Variants in ARID1B observed in about 807,000 individuals in gnomAD.
ARID1B encodes AT-rich interaction domain 1B.
A neutral mutation model predicts 212.3 loss-of-function variants in ARID1B; 30 were observed. That is an observed-to-expected ratio of 0.14 (90% CI 0.11 to 0.19). The LOEUF is 0.19. Among genes scored for constraint, ARID1B ranks in the 10% least tolerant of loss-of-function variants. The pLI is 1.00. For synonymous variants in ARID1B, 1,402 were observed against 1,301.7 expected (o/e 1.08, Z -1.66); for missense variants, 2,891 against 3,204.0 (o/e 0.90, Z 2.36).
intron 2 of ARID1B, among the ~76,000 whole-genome samples, chr6:156,882,832 AG>A (rs2128171805): frequency 6.6e-6 from 1 of 152,316 alleles, no homozygotes; most frequent in South Asian, 2.1e-4. Context: ...TTTTATAATG[AG>A]GTCTGTTCGG....
rs576322233 is a variant in ARID1B, at chr6:156,777,695, AGCAGCGGCG to A, written c.18_26del (p.Ala12_Ala14del). ...CCGCGGCGATCATGGCCGCGCGGGC[AGCAGCGGCG>A]GCGGCGGCGGCGGCGGCGCGGGCGC... On this transcript the variant is annotated inframe_deletion, in exon 1 of 20. Transcript: ENST00000636930. 1.4e-5 allele frequency: 2 copies of A among 144,424 alleles called. No homozygotes were observed. Among genetic ancestry groups the A allele is most frequent in the Non-Finnish European group, 3.0e-5 (2 of 66,348 alleles). The allele number at this position is 144,424 out of a possible 1,614,324, so 8.9% of individuals were successfully genotyped here.
rs138024075 is a variant in ARID1B, at chr6:156,942,990, A to G, written c.2247+7414A>G. 9.8e-5 allele frequency: 15 copies of G among 152,324 alleles called. 1 individual carries two copies. The highest frequency in any genetic ancestry group is 3.6e-4 in the African/African-American group (15 of 41,588). 9.4% of individuals were successfully genotyped at this position (152,324 alleles called of 1,614,324 possible). On this transcript the variant is annotated intron_variant, in intron 4 of 19. Coordinates refer to ENST00000636930, the MANE Select transcript of ARID1B (RefSeq NM_001374828.1). ...ATTTGTAGACTGGTTATTTGCTTTT[A>G]TGTTTCTTTGGGACTGGAAGTAACA...
At chr6:156,829,186 A>C in intron 1 of ARID1B, 41 bp from the exon 2 acceptor site, 1 of 1,535,046 alleles carries the variant, frequency 6.5e-7, no homozygotes, top group South Asian at 1.2e-5. Context: ...CTTTGTAATA[A>C]AGAATGAATT....
intron 2 of ARID1B, among the ~76,000 whole-genome samples, chr6:156,889,096 TA>T (rs904665032): frequency 1.3e-5 from 2 of 152,220 alleles, no homozygotes; most frequent in African/African-American, 4.8e-5. Context: ...GACCACATTT[TA>T]AAATGCCAGC....
At chr6:157,043,350 A>G (rs951753937) in intron 4 of ARID1B, among the ~76,000 whole-genome samples, 1 of 151,940 alleles carries the variant, frequency 6.6e-6, no homozygotes, top group Admixed American at 6.6e-5. Flanking sequence ...TTGTCTCGGC[A>G]TGGGCGCCTT....
At chr6:157,157,501 A>T (rs1042692722) in intron 8 of ARID1B, among the ~76,000 whole-genome samples, 8 of 152,130 alleles carry the variant, frequency 5.3e-5, no homozygotes, top group African/African-American at 1.9e-4. Flanking sequence ...AAATCTGATA[A>T]CCTCAACAGT....
At chr6:156,859,243 A>C (rs1342998889) in intron 2 of ARID1B, among the ~76,000 whole-genome samples, 6 of 152,092 alleles carry the variant, frequency 3.9e-5, no homozygotes, top group Non-Finnish European at 8.8e-5. Flanking sequence ...CCTCCCAAGT[A>C]GCTGGGGCTA....
At chr6:157,010,777 G>A (rs1258036906) in intron 4 of ARID1B, among the ~76,000 whole-genome samples, 1 of 152,086 alleles carries the variant, frequency 6.6e-6, no homozygotes, top group Admixed American at 6.5e-5. Flanking sequence ...TCTTTCTCTA[G>A]TGCTTAATCC....
intron 4 of ARID1B, among the ~76,000 whole-genome samples, chr6:156,949,144 G>A (rs1271634422): frequency 6.6e-6 from 1 of 152,164 alleles, no homozygotes; most frequent in East Asian, 1.9e-4. Context: ...TAATGTTTAT[G>A]CTGGCTTTCT....
At position 157,203,995 on chromosome 6, in the gene ARID1B, A is replaced by G. The variant is rs1302082390; in HGVS notation, c.5393A>G (p.Gln1798Arg). 1.9e-6 allele frequency: 3 copies of G among 1,614,018 alleles called. No individual in the cohort carries two copies. Among genetic ancestry groups the G allele is most frequent in the Non-Finnish European group, 2.5e-6 (3 of 1,179,888 alleles). The change falls in exon 19 of 20, where the codon CAG becomes CGG. Residue 1798 changes from glutamine to arginine, a missense_variant and splice_region_variant. This residue lies in a region of ARID1B where 332 missense variants were observed against 369.2 expected (regional missense o/e 0.90). Transcript: ENST00000636930. This position sits in a 1 kb window ranked among gnomAD's most constrained non-coding sequence, Gnocchi z 4.4. Reference sequence around the variant, plus strand: ...ACTGTTGCTACTTTCAATCTCTCCCAGGTAAGCCAGCATAGTCCAACTAAC... The same window carrying G: ...ACTGTTGCTACTTTCAATCTCTCCCGGGTAAGCCAGCATAGTCCAACTAAC... ...DSTVATFNLS[Q>R]LSGFLELLVE...
chr6:157,177,164 T>C (rs1461389723), intron 11 of ARID1B, among the ~76,000 whole-genome samples: 1 of 152,212 alleles, frequency 6.6e-6, no homozygotes, highest in Non-Finnish European at 1.5e-5. Flanking sequence ...CCATAAATAG[T>C]TTTAAGAATT....
At chr6:157,008,467 T>C (rs897881604) in intron 4 of ARID1B, among the ~76,000 whole-genome samples, 3 of 152,246 alleles carry the variant, frequency 2.0e-5, no homozygotes, top group Admixed American at 1.3e-4. Flanking sequence ...GTTACTGTTA[T>C]CTTCTGTCTT....
At chr6:156,875,630 C>T (rs757226531) in intron 2 of ARID1B, among the ~76,000 whole-genome samples, 11 of 152,220 alleles carry the variant, frequency 7.2e-5, no homozygotes, top group Non-Finnish European at 1.3e-4. Flanking sequence ...AGATGCGAGT[C>T]TCTGTTCAGA....
In ARID1B at chr6:156,872,786, C is replaced by T. The variant is rs376900642; in HGVS notation, c.1987-28590C>T. On this transcript the variant is annotated intron_variant, in intron 2 of 19. Coordinates refer to ENST00000636930, the MANE Select transcript of ARID1B (RefSeq NM_001374828.1). ...AGCACCCTTTTCCAACTGCTGCCCCCACGCTGTGGAGTGGATGTTGTTCGT... is the reference window on the plus strand; with the variant it reads ...AGCACCCTTTTCCAACTGCTGCCCCTACGCTGTGGAGTGGATGTTGTTCGT... Among the ~76,000 whole-genome samples, 52 of 151,188 alleles carry T rather than the reference C, an allele frequency of 3.4e-4. No individual in the cohort carries two copies. In the South Asian group the frequency reaches 0.01, roughly 29 times the overall value.
At chr6:156,977,772 T>A (rs1182529954) in intron 4 of ARID1B, among the ~76,000 whole-genome samples, 1 of 152,208 alleles carries the variant, frequency 6.6e-6, no homozygotes, top group African/African-American at 2.4e-5. Context: ...TGTTGATGAC[T>A]GGGTATCTTT....
chr6:157,047,140 G>T (rs1242479177), intron 4 of ARID1B, among the ~76,000 whole-genome samples: 5 of 152,134 alleles, frequency 3.3e-5, no homozygotes, highest in African/African-American at 1.2e-4. Flanking sequence ...AATGTACTAG[G>T]ACTCTAATAT....
At chr6:156,909,471 A>T (rs1251410251) in intron 3 of ARID1B, among the ~76,000 whole-genome samples, 1 of 152,112 alleles carries the variant, frequency 6.6e-6, no homozygotes, top group South Asian at 2.1e-4. Flanking sequence ...ATCTTATTAA[A>T]TTAAATATAA....
chr6:156,945,149 A>C (rs1248170980), intron 4 of ARID1B, among the ~76,000 whole-genome samples: 2 of 122,656 alleles, frequency 1.6e-5, no homozygotes, highest in Non-Finnish European at 3.3e-5. Context: ...GTTAGCCAGG[A>C]TGGTCTTGAT....
At chr6:156,998,212 C>CT (rs569837054) in intron 4 of ARID1B, among the ~76,000 whole-genome samples, 25,935 of 137,568 alleles carry the variant, frequency 0.19, 2,721 homozygotes, top group East Asian at 0.39. Flanking sequence ...ATCTCTCTCT[C>CT]TTTTTTTTTT....
Sources: allele counts gnomAD v4.1 joint callset (sites outside exome capture counted in the v4.1 genomes callset), GRCh38; gene constraint gnomAD v4.1.1; regional missense constraint gnomAD v4.1.1; non-coding constraint Gnocchi (gnomAD v3.1); transcripts MANE v1.5; gene names NCBI Gene and HGNC (gene_info 2026-07-23, HGNC 2026-07-21).